The following LHFPL3 variants were observed in gnomAD, a reference collection of about 807,000 sequenced individuals.
LHFPL3 encodes the protein LHFPL tetraspan subfamily member 3.
A neutral mutation model predicts 19.3 loss-of-function variants in LHFPL3; 5 were observed. The observed-to-expected ratio is 0.26, with a 90% confidence interval of 0.14 to 0.54. The LOEUF (loss-of-function observed/expected upper bound fraction) is 0.54, where lower values mean the gene tolerates loss of function less well. Among genes scored for constraint, LHFPL3 ranks in the 20% least tolerant of loss-of-function variants. LHFPL3 has a pLI of 0.94. For missense variants in LHFPL3, 249 were observed against 307.4 expected (o/e 0.81, Z 1.42); for synonymous variants, 133 against 126.2 (o/e 1.05, Z -0.36).
Position 104,332,223 on chromosome 7 carries a change from C to CTTTTTTTTTTTTTT in LHFPL3, c.445+3010_445+3023dup. Among the ~76,000 whole-genome samples, 102 of 63,940 alleles carry CTTTTTTTTTTTTTT rather than the reference C, an allele frequency of 1.6e-3. 1 individual carries two copies. The highest frequency in any genetic ancestry group is 3.3e-3 in the East Asian group (6 of 1,804). 41.9% of individuals were successfully genotyped at this position (63,940 alleles called of 152,430 possible). A position where few individuals can be genotyped will look rare whatever the true frequency, so the allele number is the denominator to read the frequency against. ...TAGAATATAAAATCCTATTTCTTTT[C>CTTTTTTTTTTTTTT]TTTTTTTTTTTTTTTTTTTTTTTTG... On this transcript the variant is annotated intron_variant, in intron 1 of 2. Coordinates refer to ENST00000424859, the MANE Select transcript of LHFPL3 (RefSeq NM_199000.3).
At chr7:104,419,613 T>C (rs2116530119) in intron 1 of LHFPL3, among the ~76,000 whole-genome samples, 1 of 152,350 alleles carries the variant, frequency 6.6e-6, no homozygotes, top group East Asian at 1.9e-4. Flanking sequence ...AGTTTGACTT[T>C]AGACATACCG....
In LHFPL3 at chr7:104,669,148, C is replaced by A. The variant is rs534841630; in HGVS notation, c.446-67527C>A. On this transcript the variant is annotated intron_variant, in intron 1 of 2. Transcript: ENST00000424859. ...TTCTAAACCTCCCAAACCTGATCAG[C>A]CCCTAAAGGTAATGCCAGCCCCTCC... is the stretch of plus-strand genomic sequence containing the variant. 1.7e-4 allele frequency: 267 copies of A among 1,613,358 alleles called. 1 individual carries two copies. The East Asian group carries it at 5.9e-3, about 35-fold the overall frequency.
At chr7:104,551,655 C>G (rs1794664734) in intron 1 of LHFPL3, among the ~76,000 whole-genome samples, 1 of 152,028 alleles carries the variant, frequency 6.6e-6, no homozygotes, top group East Asian at 1.9e-4. Context: ...AGTGGAAAAC[C>G]AGGCATGTTC....
intron 1 of LHFPL3, among the ~76,000 whole-genome samples, chr7:104,622,474 A>G (rs1207677036): frequency 2.0e-5 from 3 of 152,184 alleles, no homozygotes; most frequent in African/African-American, 7.2e-5. Context: ...TAAAACTGAC[A>G]TATTTGAAGT....
intron 2 of LHFPL3, among the ~76,000 whole-genome samples, chr7:104,870,893 T>G (rs534078807): frequency 2.2e-4 from 34 of 152,280 alleles, no homozygotes; most frequent in African/African-American, 8.2e-4. Flanking sequence ...GGATCTCAAC[T>G]GTAACCTCTC....
At chr7:104,577,943 A>G (rs1334848409) in intron 1 of LHFPL3, among the ~76,000 whole-genome samples, 2 of 152,182 alleles carry the variant, frequency 1.3e-5, no homozygotes, top group African/African-American at 4.8e-5. Flanking sequence ...ATACATTTGG[A>G]TCTGTTTCTC....
chr7:104,337,113 G>A (rs1301895081), intron 1 of LHFPL3, among the ~76,000 whole-genome samples: 1 of 152,068 alleles, frequency 6.6e-6, no homozygotes, highest in Non-Finnish European at 1.5e-5. Context: ...CAGATCAAGA[G>A]TGAGGTGCTG....
intron 2 of LHFPL3, among the ~76,000 whole-genome samples, chr7:104,898,932 CA>C (rs1792426037): frequency 6.6e-6 from 1 of 151,976 alleles, no homozygotes; most frequent in African/African-American, 2.4e-5. Flanking sequence ...GCCTTGACAA[CA>C]AAACTCTGTC....
At chr7:104,879,803 C>G (rs118163448) in intron 2 of LHFPL3, among the ~76,000 whole-genome samples, 1 of 152,212 alleles carries the variant, frequency 6.6e-6, no homozygotes, top group Non-Finnish European at 1.5e-5. Flanking sequence ...CGTGGCTACA[C>G]CAAATAACAG....
intron 1 of LHFPL3, among the ~76,000 whole-genome samples, chr7:104,589,853 GCC>G (rs1790669942): frequency 1.3e-5 from 2 of 152,152 alleles, no homozygotes; most frequent in Non-Finnish European, 2.9e-5. Context: ...GGGTGTATGT[GCC>G]GAGGAATTTA....
At chr7:104,798,078 C>G (rs1400090902) in intron 2 of LHFPL3, among the ~76,000 whole-genome samples, 1 of 152,120 alleles carries the variant, frequency 6.6e-6, no homozygotes, top group Non-Finnish European at 1.5e-5. Flanking sequence ...GCTTATGACC[C>G]CAGTTAGGCA....
chr7:104,518,850 AAAT>A (rs1179487573), intron 1 of LHFPL3, among the ~76,000 whole-genome samples: 12 of 140,084 alleles, frequency 8.6e-5, no homozygotes, highest in African/African-American at 2.9e-4. Flanking sequence ...TAGATAGAAT[AAAT>A]AAAAAAACTG....
At chr7:104,477,538 A>C (rs1793044929) in intron 1 of LHFPL3, among the ~76,000 whole-genome samples, 1 of 152,158 alleles carries the variant, frequency 6.6e-6, no homozygotes, top group Non-Finnish European at 1.5e-5. Context: ...GGTAAGTAGG[A>C]GCTAAATCAT....
rs1484630285 is a variant in LHFPL3, at chr7:104,902,201, G to A, written c.683-3986G>A. 3.3e-5 allele frequency among the ~76,000 whole-genome samples: 5 copies of A among 152,172 alleles called. No homozygotes were observed. The East Asian group carries it at 9.7e-4, about 29-fold the overall frequency. On this transcript the variant is annotated intron_variant, in intron 2 of 2. Coordinates refer to ENST00000424859, the MANE Select transcript of LHFPL3 (RefSeq NM_199000.3). The stretch of plus-strand genomic sequence containing the variant: ...TTGAAACCAGCCTGGGAAACATAAT[G>A]AGACCCCATCTCTATAAAAAAAAAT...
chr7:104,699,236 A>C (rs1222967558), intron 1 of LHFPL3, among the ~76,000 whole-genome samples: 1 of 152,252 alleles, frequency 6.6e-6, no homozygotes, highest in African/African-American at 2.4e-5. Flanking sequence ...ATCCATGTTT[A>C]TAGCCACATT....
At chr7:104,595,657 C>A (rs1458163013) in intron 1 of LHFPL3, among the ~76,000 whole-genome samples, 2 of 152,244 alleles carry the variant, frequency 1.3e-5, no homozygotes, top group African/African-American at 4.8e-5. Context: ...TCCGCTATGC[C>A]CTACCCACAG....
At chr7:104,639,987 T>C (rs1192020966) in intron 1 of LHFPL3, among the ~76,000 whole-genome samples, 1 of 152,218 alleles carries the variant, frequency 6.6e-6, no homozygotes, top group Non-Finnish European at 1.5e-5. Flanking sequence ...ATTCAGCATA[T>C]ACAGTGCCAG....
intron 1 of LHFPL3, among the ~76,000 whole-genome samples, chr7:104,456,834 T>C (rs1792551597): frequency 6.6e-6 from 1 of 152,222 alleles, no homozygotes; most frequent in African/African-American, 2.4e-5. Context: ...AGATGATTCA[T>C]GTCCCAAGGT....
At chr7:104,595,638 G>C (rs1356663235) in intron 1 of LHFPL3, among the ~76,000 whole-genome samples, 1 of 152,248 alleles carries the variant, frequency 6.6e-6, no homozygotes, top group African/African-American at 2.4e-5. Context: ...GTTGTCTGCT[G>C]CCTTTTGTTC....
Sources: allele counts gnomAD v4.1 joint callset (sites outside exome capture counted in the v4.1 genomes callset), GRCh38; gene constraint gnomAD v4.1.1; transcripts MANE v1.5; gene names NCBI Gene and HGNC (gene_info 2026-07-23, HGNC 2026-07-21).